TMC5: variants seen among roughly 807,000 people sequenced by gnomAD.
TMC5 encodes transmembrane channel-like protein 5.
Under a neutral mutation model 110.5 loss-of-function variants are expected in TMC5, and 86 were observed. That is an observed-to-expected ratio of 0.78 (90% confidence interval 0.65 to 0.93). The LOEUF (loss-of-function observed/expected upper bound fraction) is 0.93, where lower values mean the gene tolerates loss of function less well. TMC5 is among the 40% of genes least tolerant of loss of function. The pLI, the probability that TMC5 is intolerant of heterozygous loss-of-function variation, is 0.00. For missense variants in TMC5, 1,144 were observed against 1,222.8 expected, an observed-to-expected ratio of 0.94 and a Z score of 0.96; for synonymous variants, 455 against 439.5, an observed-to-expected ratio of 1.04 and a Z score of -0.44.
At chr16:19,443,251 T>C (rs923606477) in intron 3 of TMC5, among the ~76,000 whole-genome samples, 3 of 152,234 alleles carry the variant, frequency 2.0e-5, no homozygotes, top group African/African-American at 7.2e-5. Context: ...GGAAGTGGTA[T>C]ATGTAGTAAA....
chr16:19,458,839 A>T (rs1397472949), intron 5 of TMC5, among the ~76,000 whole-genome samples: 1 of 152,126 alleles, frequency 6.6e-6, no homozygotes, highest in Non-Finnish European at 1.5e-5. Context: ...ATTACGATGA[A>T]CATTGTATTT....
intron 5 of TMC5, chr16:19,457,138 CTA>C: frequency 2.4e-6 from 2 of 816,866 alleles, no homozygotes; most frequent in Non-Finnish European, 3.7e-6. Flanking sequence ...ACCTATAATC[CTA>C]CGGCTTTGGG....
rs545851086 is a variant in TMC5, at chr16:19,475,327, C to T, written c.2090+1051C>T. Among the ~76,000 whole-genome samples the T allele has an allele frequency of 1.3e-4, 19 of 151,834 alleles. No homozygotes were observed. In the South Asian group the frequency reaches 3.3e-3, roughly 27 times the overall value. The stretch of plus-strand genomic sequence containing the variant: ...ATCCCAGCTACTTGAGAGGCTGAGG[C>T]GGGAGAATTTCTTGAACCTGGGAGG... On this transcript the variant is annotated intron_variant, in intron 12 of 21. Transcript: ENST00000542583.
upstream of TMC5, among the ~76,000 whole-genome samples, chr16:19,413,980 A>C (rs1402702782): frequency 9.2e-5 from 14 of 152,226 alleles, no homozygotes; most frequent in Non-Finnish European, 1.5e-5. Context: ...GTGACAGAAC[A>C]ATGTAAGGAT....
intron 1 of TMC5, among the ~76,000 whole-genome samples, chr16:19,420,381 T>C (rs1056180407): frequency 2.0e-5 from 3 of 151,120 alleles, no homozygotes. Context: ...TGAGCTGAGA[T>C]CATGCCACTG....
At position 19,446,681 on chromosome 16, in the gene TMC5, C is replaced by T. The variant is rs140290212; in HGVS notation, c.958+2431C>T. Among the ~76,000 whole-genome samples the T allele has an allele frequency of 8.5e-5, 13 of 152,298 alleles. No individual in the cohort carries two copies. The East Asian group carries it at 2.1e-3, about 25-fold the overall frequency. ...CCAGGATTGAATCCCGTCTCTCTACCCAAAACCTGACCTCTTATTTACCCT... is the reference window on the plus strand; with the variant it reads ...CCAGGATTGAATCCCGTCTCTCTACTCAAAACCTGACCTCTTATTTACCCT... On this transcript the variant is annotated intron_variant, in intron 4 of 21. Transcript: ENST00000542583.
Position 19,477,468 on chromosome 16 carries a change from G to C in TMC5, c.2119G>C (p.Gly707Arg). The change falls in exon 13 of 22, where the codon GGC (glycine) becomes CGC (arginine). Residue 707 changes from glycine to arginine, a missense_variant. Transcript: ENST00000542583. ...RNIFLKISII[G>R]ILCYYWLNTV... ...CATCTTTTTGAAAATATCAATCATT[G>C]GCATTCTTTGTTACTATTGGCTCAA... 2 of 1,612,704 alleles carry C rather than the reference G, an allele frequency of 1.2e-6. No homozygotes were observed. Among genetic ancestry groups the C allele is most frequent in the Non-Finnish European group, 1.7e-6 (2 of 1,179,258 alleles).
At chr16:19,476,759 G>A (rs551722045) in intron 12 of TMC5, among the ~76,000 whole-genome samples, 2 of 152,196 alleles carry the variant, frequency 1.3e-5, no homozygotes, top group Non-Finnish European at 2.9e-5. Context: ...CAGTGGCTTC[G>A]AACACAAAGG....
intron 4 of TMC5, among the ~76,000 whole-genome samples, chr16:19,444,869 C>T (rs543662470): frequency 3.9e-5 from 6 of 152,202 alleles, no homozygotes; most frequent in African/African-American, 9.6e-5. Flanking sequence ...TGGTGGCTCA[C>T]GCCTGTAATC....
intron 15 of TMC5, among the ~76,000 whole-genome samples, chr16:19,485,757 C>T (rs1437410867): frequency 3.3e-5 from 5 of 152,210 alleles, no homozygotes; most frequent in Non-Finnish European, 7.3e-5. Context: ...GCTCTCAGCC[C>T]GAAGCCTACT....
At chr16:19,493,089 A>C (rs1968956382) in intron 19 of TMC5, among the ~76,000 whole-genome samples, 2 of 150,698 alleles carry the variant, frequency 1.3e-5, no homozygotes, top group South Asian at 4.2e-4. Flanking sequence ...AGCTTCCCGC[A>C]TAGCTGGAAT....
chr16:19,445,801 T>C (rs116423162), intron 4 of TMC5, among the ~76,000 whole-genome samples: 2,127 of 152,014 alleles, frequency 0.014, 52 homozygotes, highest in African/African-American at 0.048. Context: ...TGCATAGCCA[T>C]GTACTAATGA....
At chr16:19,495,008 A>ATTTTTT (rs1226858039) in intron 20 of TMC5, among the ~76,000 whole-genome samples, 15 of 37,140 alleles carry the variant, frequency 4.0e-4, no homozygotes, top group Non-Finnish European at 6.4e-4. Flanking sequence ...TTCAGTGTCT[A>ATTTTTT]TTCTTTTTTT....
chr16:19,481,522 T>C, intron 15 of TMC5, 57 bp downstream of exon 15: 1 of 1,289,784 alleles, frequency 7.8e-7, no homozygotes. Flanking sequence ...GTGGAGCTGG[T>C]GTTTTGGTGG....
chr16:19,433,221 G>T (rs1254179412), intron 2 of TMC5, among the ~76,000 whole-genome samples: 1 of 152,222 alleles, frequency 6.6e-6, no homozygotes, highest in African/African-American at 2.4e-5. Flanking sequence ...ACTGTGGGTA[G>T]GTGCAGGTGG....
At chr16:19,460,083 G>GTTTTTTTTTTTTTT in intron 5 of TMC5, 152 bp from the exon 6 acceptor site, 1 of 506,488 alleles carries the variant, frequency 2.0e-6, no homozygotes, top group Middle Eastern at 4.9e-4. Flanking sequence ...ACATATATGT[G>GTTTTTTTTTTTTTT]TTTTTTTTGT....
At chr16:19,443,675 T>C (rs925556167) in intron 3 of TMC5, among the ~76,000 whole-genome samples, 2 of 152,132 alleles carry the variant, frequency 1.3e-5, no homozygotes. Flanking sequence ...ATGGAATGGA[T>C]GGATGGATGA....
At chr16:19,459,118 C>T (rs963228900) in intron 5 of TMC5, among the ~76,000 whole-genome samples, 1 of 151,500 alleles carries the variant, frequency 6.6e-6, no homozygotes, top group Admixed American at 6.6e-5. Flanking sequence ...AGGACATTGG[C>T]TAATGCTGTG....
chr16:19,439,142 G>T (rs1327949697), intron 2 of TMC5, among the ~76,000 whole-genome samples: 1 of 152,210 alleles, frequency 6.6e-6, no homozygotes, highest in Non-Finnish European at 1.5e-5. Context: ...AGTTCATTAT[G>T]TACAGAGAAA....
Sources: allele counts gnomAD v4.1 joint callset (sites outside exome capture counted in the v4.1 genomes callset), GRCh38; gene constraint gnomAD v4.1.1; transcripts MANE v1.5; gene names NCBI Gene and HGNC (gene_info 2026-07-23, HGNC 2026-07-21).